CSTL1: variants seen among roughly 807,000 people sequenced by gnomAD.
CSTL1 encodes cystatin-like 1.
A neutral mutation model predicts 14.4 loss-of-function variants in CSTL1; 14 were observed. The observed-to-expected ratio is 0.97, with a 90% CI of 0.64 to 1.52. The LOEUF (loss-of-function observed/expected upper bound fraction) is 1.52. Among genes scored for constraint, CSTL1 ranks in the 40% most tolerant of loss-of-function variants. The pLI is 0.00. For synonymous variants in CSTL1, 72 were observed against 67.5 expected (o/e 1.07, Z -0.33); for missense variants, 170 against 168.7 (o/e 1.01, Z -0.04).
the CSTL1 span, among the ~76,000 whole-genome samples, chr20:23,453,829 C>A: frequency 2.6e-5 from 4 of 152,134 alleles, no homozygotes; most frequent in South Asian, 8.3e-4. Context: ...GACACCCCTG[C>A]TCAGCCTTCC....
At chr20:23,452,796 A>G in the CSTL1 span, 11 of 1,613,744 alleles carry the variant, frequency 6.8e-6, no homozygotes, top group Non-Finnish European at 9.3e-6. Flanking sequence ...AGGGCCTGCC[A>G]GGGCTCAGCC....
At chr20:23,456,426 T>C in the CSTL1 span, among the ~76,000 whole-genome samples, 1 of 152,146 alleles carries the variant, frequency 6.6e-6, no homozygotes, top group Non-Finnish European at 1.5e-5. Flanking sequence ...AGCCATGGTT[T>C]TTAGGGCCCC....
downstream of CSTL1, among the ~76,000 whole-genome samples, chr20:23,447,892 A>T (rs1986999781): frequency 6.6e-6 from 1 of 152,174 alleles, no homozygotes; most frequent in Non-Finnish European, 1.5e-5. Flanking sequence ...TTGTTTTTCT[A>T]ATGTTACTTA....
the CSTL1 span, among the ~76,000 whole-genome samples, chr20:23,455,535 C>T: frequency 6.6e-6 from 1 of 152,206 alleles, no homozygotes; most frequent in Non-Finnish European, 1.5e-5. Context: ...TGGTGGGGCT[C>T]ACAAAGAATC....
At chr20:23,448,766 T>C (rs1218669798), downstream of CSTL1, among the ~76,000 whole-genome samples, 1 of 152,212 alleles carries the variant, frequency 6.6e-6, no homozygotes, top group Admixed American at 6.5e-5. Context: ...GTGTTGACTG[T>C]TGACTGGTAT....
the CSTL1 span, chr20:23,452,852 C>T: frequency 2.9e-5 from 44 of 1,507,580 alleles, no homozygotes; most frequent in East Asian, 7.2e-4. Flanking sequence ...TCTCTGTACT[C>T]CTCAGGGACA....
chr20:23,444,169 C>T (rs1568635802), intron 3 of CSTL1, 125 bp downstream of exon 3: 1 of 754,596 alleles, frequency 1.3e-6, no homozygotes, highest in Non-Finnish European at 2.2e-6. Context: ...CTGGGGCTGT[C>T]TGGCACCTCC....
At chr20:23,449,364 C>T (rs544839525), downstream of CSTL1, among the ~76,000 whole-genome samples, 19 of 152,198 alleles carry the variant, frequency 1.2e-4, no homozygotes, top group South Asian at 4.1e-4. Context: ...TCCCTCTCCC[C>T]GCAGGGAAAT....
the CSTL1 span, among the ~76,000 whole-genome samples, chr20:23,460,761 A>G: frequency 6.6e-6 from 1 of 152,190 alleles, no homozygotes; most frequent in Admixed American, 6.5e-5. Context: ...GGTTAGGGAA[A>G]CAGTCAGATA....
At position 23,440,348 on chromosome 20, in the gene CSTL1, G is replaced by GT; in HGVS notation, c.82dup (p.Trp28LeufsTer68). 6.2e-7 allele frequency: 1 copy of GT among 1,614,216 alleles called. No homozygotes were observed. Among genetic ancestry groups the GT allele is most frequent in the Non-Finnish European group, 8.5e-7 (1 of 1,180,036 alleles). ...CAGCCAAGCTGGGTCACTTCCAAAG[G>GT]TGGGAGGGCTTCCAGCAGAAGCTCA... On this transcript the variant is annotated frameshift_variant, in exon 2 of 4. Coordinates refer to ENST00000347397, the MANE Select transcript of CSTL1 (RefSeq NM_138283.1). LOFTEE classifies it high-confidence loss of function.
the CSTL1 span, among the ~76,000 whole-genome samples, chr20:23,453,303 T>G: frequency 2.6e-5 from 4 of 151,578 alleles, no homozygotes; most frequent in Non-Finnish European, 5.9e-5. Flanking sequence ...GAAAATCCCC[T>G]CCCTTAGAGG....
chr20:23,452,958 C>T, the CSTL1 span: 1 of 631,548 alleles, frequency 1.6e-6, no homozygotes, highest in South Asian at 1.9e-5. Context: ...CCCCCTTCAT[C>T]AGCAGCTGAA....
the CSTL1 span, chr20:23,452,519 G>C: frequency 3.0e-6 from 3 of 1,015,862 alleles, no homozygotes; most frequent in Non-Finnish European, 4.7e-6. Flanking sequence ...GACTATTCCT[G>C]ACACCAGTGG....
At chr20:23,446,860 CAT>C (rs1156299463), downstream of CSTL1, among the ~76,000 whole-genome samples, 1 of 152,076 alleles carries the variant, frequency 6.6e-6, no homozygotes, top group African/African-American at 2.4e-5. Context: ...GAAGAATAAA[CAT>C]AGAGCAAGAA....
At chr20:23,450,625 GC>G in the CSTL1 span, 1 of 1,527,138 alleles carries the variant, frequency 6.5e-7, no homozygotes, top group Non-Finnish European at 9.0e-7. Flanking sequence ...TTTAAAAGAC[GC>G]CAGGTGAAAT....
Position 23,440,419 on chromosome 20 carries a change from C to G in CSTL1, c.152C>G (p.Ser51Cys). The change falls in exon 2 of 4, where the codon TCC (serine) becomes TGC (cysteine). Residue 51 changes from serine (S) to cysteine (C), a missense_variant. Transcript: ENST00000347397. ...TCAACACTCAACTTCTTCATTCAAT[C>G]CTACAACAATGCCAGCAACGACACC... ...MNSTLNFFIQ[S>C]YNNASNDTYL... 1.9e-6 allele frequency: 3 copies of G among 1,614,148 alleles called. No individual in the cohort carries two copies. Among genetic ancestry groups the G allele is most frequent in the Non-Finnish European group, 2.5e-6 (3 of 1,179,990 alleles).
chr20:23,452,474 A>G, the CSTL1 span: 1 of 755,168 alleles, frequency 1.3e-6, no homozygotes, highest in Non-Finnish European at 2.4e-6. Context: ...AAGTGCTCAC[A>G]TCAAGCTAAG....
intron 2 of CSTL1, among the ~76,000 whole-genome samples, chr20:23,443,632 G>A (rs1032977182): frequency 3.9e-5 from 6 of 152,170 alleles, no homozygotes; most frequent in Admixed American, 2.6e-4. Context: ...GCCTGGGAGT[G>A]GCCTGTGGTG....
the CSTL1 span, chr20:23,452,629 G>T: frequency 1.9e-6 from 3 of 1,613,808 alleles, no homozygotes; most frequent in African/African-American, 1.3e-5. Context: ...AGTGGTACTT[G>T]TCATCACTTT....
Sources: allele counts gnomAD v4.1 joint callset (sites outside exome capture counted in the v4.1 genomes callset), GRCh38; gene constraint gnomAD v4.1.1; transcripts MANE v1.5; gene names NCBI Gene and HGNC (gene_info 2026-07-23, HGNC 2026-07-21).